FLOT1: variants seen among roughly 807,000 people sequenced by gnomAD.
FLOT1 encodes the protein flotillin 1.
A neutral mutation model predicts 58.4 loss-of-function variants in FLOT1; 40 were observed. That is an observed-to-expected ratio of 0.69 (90% confidence interval 0.53 to 0.89). FLOT1 has a LOEUF of 0.89. Ranked by LOEUF, FLOT1 falls within the 40% of genes least tolerant of loss-of-function variation. FLOT1 has a pLI of 0.00. For synonymous variants in FLOT1, 178 were observed against 204.2 expected, an observed-to-expected ratio of 0.87 and a Z score of 1.09; for missense variants, 423 against 540.8, an observed-to-expected ratio of 0.78 and a Z score of 2.16.
Position 30,730,563 on chromosome 6 carries a change from C to T in FLOT1, c.954G>A (p.Met318Ile). 1 of 1,611,894 alleles carries T rather than the reference C, an allele frequency of 6.2e-7. No individual in the cohort carries two copies. Among genetic ancestry groups the T allele is most frequent in the Non-Finnish European group, 8.5e-7 (1 of 1,178,410 alleles). Residue 318 changes from methionine to isoleucine, a missense_variant and splice_region_variant, in exon 11 of 13, where the codon ATG becomes ATA. By Grantham distance (10) the Met-to-Ile change is conservative. Transcript: ENST00000376389. ...TGGCAAAGGCCTCAGCTTCCCCACG[C>T]ATCTGAGGGTTAAGGATGCTTGTGA... ...QAEAEAASVR[M>I]RGEAEAFAIG...
At position 30,742,019 on chromosome 6, in the gene FLOT1, G is replaced by C. The variant is rs1397747519; in HGVS notation, c.43+128C>G. Reference sequence around the variant, plus strand: ...CCTTGGAATGGTGGGAATCAAACTGGGCAGTTCGTGGCCATCAAGGGGCAG... The same window carrying C: ...CCTTGGAATGGTGGGAATCAAACTGCGCAGTTCGTGGCCATCAAGGGGCAG... On this transcript the variant is annotated intron_variant, in intron 2 of 12. Transcript: ENST00000376389. This position sits in a 1 kb window ranked among gnomAD's most constrained non-coding sequence, Gnocchi z 5.2. 8 of 1,178,332 alleles carry C rather than the reference G, an allele frequency of 6.8e-6. No homozygotes were observed. The highest frequency in any genetic ancestry group is 1.2e-6 in the Non-Finnish European group (1 of 800,438). 73.0% of individuals were successfully genotyped at this position (1,178,332 alleles called of 1,614,324 possible). A position where few individuals can be genotyped will look rare whatever the true frequency, so the allele number is the denominator to read the frequency against.
In FLOT1 at chr6:30,730,406, G is replaced by A. The variant is rs376833594; in HGVS notation, c.1089+22C>T. The A allele has an allele frequency of 2.6e-6, 4 of 1,543,524 alleles. No individual in the cohort carries two copies. The African/African-American group carries it at 4.1e-5, about 16-fold the overall frequency. ...CCCTGGTTCTATTTCCTCCTTTCTT[G>A]GTGCCCACATGACCTCCAGACCTGG... is the stretch of plus-strand genomic sequence containing the variant. On this transcript the variant is annotated intron_variant, in intron 11 of 12. Coordinates refer to ENST00000376389, the MANE Select transcript of FLOT1 (RefSeq NM_005803.4).
chr6:30,728,970 G>A (rs1414067758), intron 12 of FLOT1, among the ~76,000 whole-genome samples: 1 of 151,790 alleles, frequency 6.6e-6, no homozygotes, highest in Non-Finnish European at 1.5e-5. Flanking sequence ...AGTAGAGACG[G>A]GGTTTCACTG....
At chr6:30,730,644 CT>C in intron 10 of FLOT1, 37 bp downstream of exon 10, 1 of 1,613,724 alleles carries the variant, frequency 6.2e-7, no homozygotes. Flanking sequence ...AACCCCCACC[CT>C]CTCCACAAGC....
Position 30,730,926 on chromosome 6 carries a change from C to T in FLOT1, c.898G>A (p.Ala300Thr). ...CAGGGAGGGGACATTTACTTCTCTG[C>T]CTCGGCTAGGCGCTCCAGCTTGTAG... Reference protein sequence around the residue: ...ERYKLERLAEAEKSQLIMQAE... With the variant: ...ERYKLERLAETEKSQLIMQAE... The change falls in exon 9 of 13, where the codon GCA becomes ACA. Residue 300 changes from alanine to threonine, a missense_variant. Ala to Thr is a moderately conservative substitution (Grantham distance 58). Around this residue, in one of 6 missense-constraint regions of FLOT1, gnomAD observed 106 missense variants for 88.4 expected, o/e 1.20. Coordinates refer to ENST00000376389, the MANE Select transcript of FLOT1 (RefSeq NM_005803.4). 3 of 1,612,110 alleles carry T rather than the reference C, an allele frequency of 1.9e-6. No individual in the cohort carries two copies. The highest frequency in any genetic ancestry group is 2.2e-5 in the East Asian group (1 of 44,872).
At chr6:30,735,492 G>A (rs1342222938) in intron 8 of FLOT1, among the ~76,000 whole-genome samples, 1 of 151,684 alleles carries the variant, frequency 6.6e-6, no homozygotes, top group Non-Finnish European at 1.5e-5. Flanking sequence ...GCGTGGTGGT[G>A]GGCACTTGTA....
At chr6:30,733,167 C>G (rs1302006481) in intron 8 of FLOT1, among the ~76,000 whole-genome samples, 1 of 152,006 alleles carries the variant, frequency 6.6e-6, no homozygotes. Flanking sequence ...TCCCATGTAT[C>G]TGGGATTATA....
Position 30,732,753 on chromosome 6 carries a change from C to T in FLOT1, c.724-1653G>A, listed in dbSNP as rs562191198. On this transcript the variant is annotated intron_variant, in intron 8 of 12. Coordinates refer to ENST00000376389, the MANE Select transcript of FLOT1 (RefSeq NM_005803.4). ...TGATGCTTCCCCTGCCTCCTACCTT[C>T]CCCCGGGCCCATCTGTTCACTCCAG... Among the ~76,000 whole-genome samples the T allele has an allele frequency of 7.6e-4, 115 of 152,270 alleles. 1 individual carries two copies. Among genetic ancestry groups the T allele is most frequent in the Admixed American group, 2.4e-3 (36 of 15,292 alleles).
chr6:30,741,430 T>C lies in FLOT1; in HGVS notation c.211-97A>G, dbSNP rs1322689258. 8 of 1,511,690 alleles carry C rather than the reference T, an allele frequency of 5.3e-6. No homozygotes were observed. The highest frequency in any genetic ancestry group is 6.4e-6 in the Non-Finnish European group (7 of 1,098,724). 93.6% of individuals were successfully genotyped at this position (1,511,690 alleles called of 1,614,324 possible). A position where few individuals can be genotyped will look rare whatever the true frequency, so the allele number is the denominator to read the frequency against. On this transcript the variant is annotated intron_variant, in intron 4 of 12. Transcript: ENST00000376389. The surrounding 1 kb of genome is among the most constrained non-coding windows in gnomAD (Gnocchi z 5.9). ...GGGAGAGCCCTCTAAGAAATGCTTCTTCCATTTCAGGGAAAGAAAGGAGGA... is the reference window on the plus strand; with the variant it reads ...GGGAGAGCCCTCTAAGAAATGCTTCCTCCATTTCAGGGAAAGAAAGGAGGA...
chr6:30,730,843 G>A, intron 9 of FLOT1, 76 bp downstream of exon 9: 1 of 1,597,820 alleles, frequency 6.3e-7, no homozygotes, highest in Non-Finnish European at 8.6e-7. Flanking sequence ...AGTCCAGGTG[G>A]TGAAGGCTTC....
At position 30,731,072 on chromosome 6, in the gene FLOT1, T is replaced by A; in HGVS notation, c.752A>T (p.Glu251Val). The change falls in exon 9 of 13, where the codon GAG (glutamate) becomes GTG (valine). Residue 251 changes from glutamate to valine, a missense_variant. Glu to Val is a moderately radical substitution (Grantham distance 121). Coordinates refer to ENST00000376389, the MANE Select transcript of FLOT1 (RefSeq NM_005803.4). The stretch of plus-strand genomic sequence containing the variant: ...CACCACCTGCACCTGCACCCGCTGC[T>A]CCTCAATCTGCTGCTTAGTCTTGGC... Reference protein sequence around the residue: ...QVAKTKQQIEEQRVQVQVVER... With the variant: ...QVAKTKQQIEVQRVQVQVVER... The A allele has an allele frequency of 1.2e-6, 2 of 1,609,414 alleles. No homozygotes were observed. The highest frequency in any genetic ancestry group is 1.7e-6 in the Non-Finnish European group (2 of 1,179,536).
chr6:30,740,149 G>A lies in FLOT1; in HGVS notation c.723+9C>T. On this transcript the variant is annotated intron_variant, in intron 8 of 12. Coordinates refer to ENST00000376389, the MANE Select transcript of FLOT1 (RefSeq NM_005803.4). ...AAGGGGCAGAGAGTGGCCTGGCAGT[G>A]GCTCTGACCTGAAGCTGATAGGCCA... 4 of 1,612,634 alleles carry A rather than the reference G, an allele frequency of 2.5e-6. No homozygotes were observed. Among genetic ancestry groups the A allele is most frequent in the Non-Finnish European group, 3.4e-6 (4 of 1,179,764 alleles).
rs955044582 is a variant in FLOT1 at position 30,727,956 on chromosome 6, C to T, written c.*160G>A. On this transcript the variant is annotated 3_prime_UTR_variant, in exon 13 of 13. Coordinates refer to ENST00000376389, the MANE Select transcript of FLOT1 (RefSeq NM_005803.4). ...AGTGTGAGGTTGGCAAGGGGAGCAA[C>T]CCCCTTCAAGACAAGGCACAAACTA... The T allele has an allele frequency of 4.2e-6, 3 of 720,216 alleles. No homozygotes were observed. Among genetic ancestry groups the T allele is most frequent in the South Asian group, 3.1e-5 (2 of 64,036 alleles). 44.6% of individuals were successfully genotyped at this position (720,216 alleles called of 1,614,324 possible).
Position 30,730,949 on chromosome 6 carries a change from T to C in FLOT1, c.875A>G (p.Tyr292Cys). ...RVRKPAEAER[Y>C]KLERLAEAEK... ...TGCCTCGGCTAGGCGCTCCAGCTTG[T>C]AGCGCTCCGCTTCCGCTGGCTTCCG... The change falls in exon 9 of 13, where the codon TAC becomes TGC. Residue 292 changes from tyrosine to cysteine, a missense_variant. By Grantham distance (194) the Tyr-to-Cys change is radical (BLOSUM62 -2). Around this residue, in one of 6 missense-constraint regions of FLOT1, gnomAD observed 106 missense variants for 88.4 expected, o/e 1.20. Coordinates refer to ENST00000376389, the MANE Select transcript of FLOT1 (RefSeq NM_005803.4). 1.2e-6 allele frequency: 2 copies of C among 1,613,882 alleles called. No individual in the cohort carries two copies. Among genetic ancestry groups the C allele is most frequent in the East Asian group, 2.2e-5 (1 of 44,880 alleles).
At position 30,727,945 on chromosome 6, in the gene FLOT1, A is replaced by G; in HGVS notation, c.*171T>C. 1.5e-6 allele frequency: 1 copy of G among 681,926 alleles called. No homozygotes were observed. Among genetic ancestry groups the G allele is most frequent in the African/African-American group, 1.7e-5 (1 of 57,550 alleles). 42.2% of individuals were successfully genotyped at this position (681,926 alleles called of 1,614,324 possible). On this transcript the variant is annotated 3_prime_UTR_variant, in exon 13 of 13. Transcript: ENST00000376389. ...GCAATCATAGCAGTGTGAGGTTGGC[A>G]AGGGGAGCAACCCCCTTCAAGACAA... is the stretch of plus-strand genomic sequence containing the variant.
intron 8 of FLOT1, 96 bp from the exon 9 acceptor site, chr6:30,731,196 A>G: frequency 7.6e-7 from 1 of 1,321,722 alleles, no homozygotes. Context: ...TAAAAATAGG[A>G]GCCGGTGGCC....
chr6:30,741,844 T>C lies in FLOT1; in HGVS notation c.67A>G (p.Met23Val), dbSNP rs754036569. ...ACAAAGACACGCCCTCCAGCCACCA[T>C]GACTGGGGGGCTTCGGCAGAACCCT... ...VSGFCRSPPV[M>V]VAGGRVFVLP... The change falls in exon 3 of 13, where the codon ATG becomes GTG. Residue 23 changes from methionine to valine, a missense_variant. Coordinates refer to ENST00000376389, the MANE Select transcript of FLOT1 (RefSeq NM_005803.4). This position sits in a 1 kb window ranked among gnomAD's most constrained non-coding sequence, Gnocchi z 5.9. The C allele has an allele frequency of 1.2e-6, 2 of 1,612,842 alleles. No homozygotes were observed. The highest frequency in any genetic ancestry group is 3.3e-5 in the Admixed American group (2 of 60,020).
At chr6:30,739,362 C>T (rs74295302) in intron 8 of FLOT1, among the ~76,000 whole-genome samples, 11,294 of 151,592 alleles carry the variant, frequency 0.075, 683 homozygotes, top group African/African-American at 0.16. Flanking sequence ...CCTTCTTGGC[C>T]TTCTCTTTTT....
Position 30,730,538 on chromosome 6 carries a change from T to C in FLOT1, c.979A>G (p.Ile327Val), listed in dbSNP as rs199886114. The change falls in exon 11 of 13, where the codon ATA (isoleucine) becomes GTA (valine). Residue 327 changes from isoleucine (I) to valine (V), a missense_variant. Coordinates refer to ENST00000376389, the MANE Select transcript of FLOT1 (RefSeq NM_005803.4). ...RMRGEAEAFA[I>V]GARARAEAEQ... is the part of the protein sequence containing the mutation. ...GCCTCGGCTCGGGCTCGGGCCCCTA[T>C]GGCAAAGGCCTCAGCTTCCCCACGC... is the stretch of plus-strand genomic sequence containing the variant. 9.3e-6 allele frequency: 15 copies of C among 1,611,466 alleles called. No homozygotes were observed. In the East Asian group the frequency reaches 3.1e-4, roughly 34 times the overall value.
Sources: gnomAD v4.1 joint callset for allele counts (sites outside exome capture counted in the v4.1 genomes callset) on GRCh38, gnomAD v4.1.1 for gene constraint, gnomAD v4.1.1 regional missense constraint, Gnocchi (gnomAD v3.1) non-coding constraint, MANE v1.5 for transcripts, NCBI Gene and HGNC (gene_info 2026-07-23, HGNC 2026-07-21) for gene names.